Variants in RBFOX1 observed in about 807,000 individuals in gnomAD.
RBFOX1 encodes RNA binding fox-1 homolog 1.
RBFOX1 carries 8 observed loss-of-function variants against 57.7 expected under a neutral mutation model. That is an observed-to-expected ratio of 0.14 (90% CI 0.08 to 0.25). The LOEUF is 0.25. RBFOX1 is among the 10% of genes least tolerant of loss of function. The probability of loss-of-function intolerance (pLI) is 1.00; values close to 1 mark genes in which losing one functional copy is unlikely to be tolerated. For synonymous variants in RBFOX1, 326 were observed against 222.4 expected (o/e 1.47, Z -4.15); for missense variants, 611 against 548.5 (o/e 1.11, Z -1.14).
At chr16:6,382,197 T>G (rs2091879510) in intron 2 of RBFOX1, among the ~76,000 whole-genome samples, 1 of 152,258 alleles carries the variant, frequency 6.6e-6, no homozygotes, top group African/African-American at 2.4e-5. Context: ...CCCAACCATT[T>G]AAAATTGCAA....
At chr16:6,993,575 A>G (rs1362903737) in intron 3 of RBFOX1, among the ~76,000 whole-genome samples, 1 of 152,176 alleles carries the variant, frequency 6.6e-6, no homozygotes, top group Non-Finnish European at 1.5e-5. Context: ...GGGAGGCAAG[A>G]GTGGTGCTGC....
intron 2 of RBFOX1, among the ~76,000 whole-genome samples, chr16:6,638,412 T>C (rs1731739971): frequency 6.6e-6 from 1 of 152,176 alleles, no homozygotes; most frequent in African/African-American, 2.4e-5. Flanking sequence ...TAGTTATTTC[T>C]CAGGTGAGTT....
rs869243278 is a variant in RBFOX1 at position 6,761,500 on chromosome 16, CTTTT to C, written c.-16+106872_-16+106875del. 1.0e-4 allele frequency among the ~76,000 whole-genome samples: 6 copies of C among 60,158 alleles called. No homozygotes were observed. The Admixed American group carries it at 1.6e-3, about 16-fold the overall frequency. 39.5% of individuals were successfully genotyped at this position (60,158 alleles called of 152,430 possible). On this transcript the variant is annotated intron_variant, in intron 3 of 15. Coordinates refer to ENST00000550418, the MANE Select transcript of RBFOX1 (RefSeq NM_018723.4). ...AATAGTTTTCCTTTCTCCCAATCTC[CTTTT>C]TTTTTTTTTTTTTTTTTTTTTGAGA...
chr16:5,973,975 G>A (rs1276645083), intron 4 of RBFOX1, among the ~76,000 whole-genome samples: 2 of 152,186 alleles, frequency 1.3e-5, no homozygotes, highest in Non-Finnish European at 2.9e-5. Context: ...TGACTGTGAA[G>A]CCTTGGTTAA....
At chr16:6,468,969 T>C (rs114910697) in intron 2 of RBFOX1, among the ~76,000 whole-genome samples, 1,802 of 152,022 alleles carry the variant, frequency 0.012, 24 homozygotes, top group African/African-American at 0.036. Context: ...ATAGGGCCCA[T>C]TGTGTGTTGT....
At position 5,454,903 on chromosome 16, in the gene RBFOX1, T is replaced by G. The variant is rs1186764144; in HGVS notation, c.220-12313T>G. 7.2e-3 allele frequency among the ~76,000 whole-genome samples: 699 copies of G among 97,130 alleles called. 27 individuals are homozygous for G. The highest frequency in any genetic ancestry group is 9.6e-3 in the Non-Finnish European group (441 of 45,994). 63.7% of individuals were successfully genotyped at this position (97,130 alleles called of 152,430 possible). ...CTTTCTTTCTTTCTTTCTTTCTTTC[T>G]TTCTTTCTTTCCTTTGTTTCTTTCT... On this transcript the variant is annotated intron_variant, in intron 1 of 2. Transcript: ENST00000585867.
At chr16:7,097,571 T>C (rs941658875) in intron 4 of RBFOX1, among the ~76,000 whole-genome samples, 1 of 152,252 alleles carries the variant, frequency 6.6e-6, no homozygotes, top group Non-Finnish European at 1.5e-5. Flanking sequence ...CCTCTCCATC[T>C]GCCTCAAATA....
intron 14 of RBFOX1, among the ~76,000 whole-genome samples, chr16:7,695,095 T>C (rs145292609): frequency 1.3e-5 from 2 of 152,330 alleles, no homozygotes; most frequent in African/African-American, 4.8e-5. Context: ...CTAATCTAGA[T>C]GGCTGCTCAG....
intron 3 of RBFOX1, among the ~76,000 whole-genome samples, chr16:6,813,218 T>G (rs1161968458): frequency 1.3e-5 from 2 of 152,206 alleles, no homozygotes; most frequent in African/African-American, 4.8e-5. Flanking sequence ...ATTGGCTAAT[T>G]ACTGAAATTT....
At chr16:6,662,287 C>G (rs2098706554) in intron 3 of RBFOX1, among the ~76,000 whole-genome samples, 1 of 151,548 alleles carries the variant, frequency 6.6e-6, no homozygotes, top group Non-Finnish European at 1.5e-5. Context: ...ACTGTTCTCA[C>G]ACACACACAA....
chr16:7,017,240 T>G (rs2093961532), intron 3 of RBFOX1, among the ~76,000 whole-genome samples: 2 of 152,282 alleles, frequency 1.3e-5, no homozygotes, highest in South Asian at 4.1e-4. Context: ...CTAAACAAAA[T>G]GTGCAGCCTC....
intron 1 of RBFOX1, among the ~76,000 whole-genome samples, chr16:6,079,566 C>T (rs2095967196): frequency 6.6e-6 from 1 of 151,876 alleles, no homozygotes; most frequent in Admixed American, 6.6e-5. Flanking sequence ...TCAACTGATC[C>T]ACCAGCCTCC....
At chr16:7,529,340 T>C (rs1005367824) in intron 5 of RBFOX1, among the ~76,000 whole-genome samples, 5 of 152,200 alleles carry the variant, frequency 3.3e-5, no homozygotes, top group Admixed American at 3.3e-4. Context: ...TTAGAGAGAT[T>C]AACTTATGTT....
In RBFOX1 at chr16:7,549,983, G is replaced by T. The variant is rs147134368; in HGVS notation, c.271-29794G>T. 9.0e-4 allele frequency among the ~76,000 whole-genome samples: 137 copies of T among 152,208 alleles called. 1 individual carries two copies. The highest frequency in any genetic ancestry group is 1.7e-3 in the Non-Finnish European group (113 of 68,024). ...TTTACTCTGTCACTTAGGCAGGAGT[G>T]CAGTGGTGTGATCATAGCTCACTGC... On this transcript the variant is annotated intron_variant, in intron 5 of 15. Transcript: ENST00000550418.
chr16:6,620,760 G>C (rs1462476049), intron 2 of RBFOX1, among the ~76,000 whole-genome samples: 1 of 152,152 alleles, frequency 6.6e-6, no homozygotes, highest in African/African-American at 2.4e-5. Context: ...GAAAGAAATG[G>C]ATAAATTCCT....
At chr16:7,479,981 A>G (rs1467439991) in intron 4 of RBFOX1, among the ~76,000 whole-genome samples, 4 of 152,220 alleles carry the variant, frequency 2.6e-5, no homozygotes, top group Admixed American at 6.5e-5. Flanking sequence ...GTCAGAAGTG[A>G]GGCCGACGTA....
intron 3 of RBFOX1, among the ~76,000 whole-genome samples, chr16:6,689,283 T>C (rs1603424328): frequency 6.6e-6 from 1 of 152,160 alleles, no homozygotes; most frequent in African/African-American, 2.4e-5. Flanking sequence ...TTTTCATATG[T>C]GTTTATAATT....
rs1481493295 is a variant in RBFOX1 at position 5,945,173 on chromosome 16, A to T, written c.351+77838A>T. Among the ~76,000 whole-genome samples, 6 of 152,044 alleles carry T rather than the reference A, an allele frequency of 3.9e-5. No individual in the cohort carries two copies. In the East Asian group the frequency reaches 1.2e-3, roughly 29 times the overall value. On this transcript the variant is annotated intron_variant, in intron 4 of 19. Coordinates refer to the RBFOX1 transcript ENST00000641259. The stretch of plus-strand genomic sequence containing the variant: ...GGGACATTGAGCAAGTCATTACAGA[A>T]TTACTCACAGGCTGACCACATGCCA...
At chr16:5,575,047 C>A (rs891572014) in intron 2 of RBFOX1, among the ~76,000 whole-genome samples, 2 of 152,188 alleles carry the variant, frequency 1.3e-5, no homozygotes, top group Non-Finnish European at 2.9e-5. Context: ...TAATCAGGGC[C>A]ATTCACCTTG....
Sources: gnomAD v4.1 joint callset for allele counts (sites outside exome capture counted in the v4.1 genomes callset) on GRCh38, gnomAD v4.1.1 for gene constraint, MANE v1.5 for transcripts, NCBI Gene and HGNC (gene_info 2026-07-23, HGNC 2026-07-21) for gene names.